The following KHDRBS2 variants were observed in gnomAD, a reference collection of about 807,000 sequenced individuals.
KHDRBS2 encodes the protein KH domain-containing, RNA-binding, signal transduction-associated protein 2.
In KHDRBS2, 26 loss-of-function variants were observed where a neutral mutation model predicts 44.3. That is an observed-to-expected ratio of 0.59 (90% confidence interval 0.43 to 0.81). The LOEUF is 0.81. Ranked by LOEUF, KHDRBS2 falls within the 40% of genes least tolerant of loss-of-function variation. The pLI is 0.00. For synonymous variants in KHDRBS2, 194 were observed against 151.1 expected (o/e 1.28, Z -2.08); for missense variants, 476 against 433.1 (o/e 1.10, Z -0.88).
At chr6:61,842,826 A>G (rs966553318) in intron 6 of KHDRBS2, among the ~76,000 whole-genome samples, 11 of 152,066 alleles carry the variant, frequency 7.2e-5, no homozygotes, top group African/African-American at 2.4e-4. Context: ...CCAAATGTCC[A>G]TTAACTGATG....
intron 6 of KHDRBS2, among the ~76,000 whole-genome samples, chr6:61,775,964 C>G (rs572362749): frequency 6.6e-6 from 1 of 152,148 alleles, no homozygotes; most frequent in Non-Finnish European, 1.5e-5. Flanking sequence ...TGGAACAGAA[C>G]AGAACCCTCA....
At chr6:61,620,623 C>G in the KHDRBS2 span, among the ~76,000 whole-genome samples, 2 of 152,126 alleles carry the variant, frequency 1.3e-5, no homozygotes, top group African/African-American at 2.4e-5. Flanking sequence ...GAGTTGTGAC[C>G]CTTAGATCTT....
intron 1 of KHDRBS2, among the ~76,000 whole-genome samples, chr6:62,247,400 T>A (rs1272366064): frequency 6.6e-6 from 1 of 151,950 alleles, no homozygotes; most frequent in Non-Finnish European, 1.5e-5. Flanking sequence ...TATATACTTA[T>A]ACTGTATCTC....
At chr6:61,593,241 T>G in the KHDRBS2 span, among the ~76,000 whole-genome samples, 350 of 152,226 alleles carry the variant, frequency 2.3e-3, 2 homozygotes, top group African/African-American at 8.2e-3. Flanking sequence ...CTCCCAACAT[T>G]TATGTCAAGT....
rs557953446 is a variant in KHDRBS2 at position 62,003,211 on chromosome 6, C to T, written c.337-24999G>A. Among the ~76,000 whole-genome samples, 3 of 151,994 alleles carry T rather than the reference C, an allele frequency of 2.0e-5. No homozygotes were observed. In the East Asian group the frequency reaches 5.8e-4, roughly 30 times the overall value. On this transcript the variant is annotated intron_variant, in intron 3 of 8. Coordinates refer to ENST00000281156, the MANE Select transcript of KHDRBS2 (RefSeq NM_152688.4). ...GGAGGATGACTTGAGCCTGGGAGGT[C>T]AAGGCTGCAGTGAGCTACTATTGCA...
chr6:62,021,140 T>C (rs1782215702), intron 3 of KHDRBS2, among the ~76,000 whole-genome samples: 1 of 151,588 alleles, frequency 6.6e-6, no homozygotes, highest in South Asian at 2.1e-4. Flanking sequence ...GAAATCCAAA[T>C]ACCGCCTATT....
At chr6:62,220,226 T>C (rs1040532270) in intron 1 of KHDRBS2, among the ~76,000 whole-genome samples, 6 of 151,744 alleles carry the variant, frequency 4.0e-5, no homozygotes, top group African/African-American at 1.4e-4. Context: ...ACCAATTCAG[T>C]CAAACCAGAG....
chr6:62,165,306 AT>A (rs1015067375), intron 2 of KHDRBS2, among the ~76,000 whole-genome samples: 10 of 145,160 alleles, frequency 6.9e-5, no homozygotes, highest in Admixed American at 1.4e-4. Flanking sequence ...TAGACACAGA[AT>A]TTTTTTTGGT....
chr6:61,910,780 A>G (rs757954777), intron 4 of KHDRBS2, among the ~76,000 whole-genome samples: 1 of 152,202 alleles, frequency 6.6e-6, no homozygotes, highest in African/African-American at 2.4e-5. Flanking sequence ...AGGATAGTAG[A>G]TAAATGTTTA....
chr6:61,901,122 T>G, intron 5 of KHDRBS2, 122 bp downstream of exon 5: 1 of 877,150 alleles, frequency 1.1e-6, no homozygotes. Context: ...TTATTGTTTT[T>G]GCTGTGGTGG....
intron 3 of KHDRBS2, among the ~76,000 whole-genome samples, chr6:62,004,028 C>T (rs910231922): frequency 1.2e-4 from 18 of 152,088 alleles, no homozygotes; most frequent in African/African-American, 3.6e-4. Flanking sequence ...ATTTATAGCA[C>T]TAAATGCCCA....
At chr6:61,865,558 CACA>C (rs111354465) in intron 6 of KHDRBS2, among the ~76,000 whole-genome samples, 10,142 of 152,148 alleles carry the variant, frequency 0.067, 400 homozygotes, top group Middle Eastern at 0.12. Flanking sequence ...GGGTTCTTCC[CACA>C]ACATGTGGGA....
At chr6:62,158,131 T>G (rs1208123234) in intron 2 of KHDRBS2, among the ~76,000 whole-genome samples, 1 of 152,178 alleles carries the variant, frequency 6.6e-6, no homozygotes, top group Non-Finnish European at 1.5e-5. Context: ...AGTGTCTTAA[T>G]CATTCTCTCA....
intron 2 of KHDRBS2, among the ~76,000 whole-genome samples, chr6:62,053,088 T>C (rs1424136779): frequency 6.6e-6 from 1 of 152,054 alleles, no homozygotes; most frequent in African/African-American, 2.4e-5. Context: ...ATTATCCCAT[T>C]ACATCATGTT....
chr6:62,058,391 A>G lies in KHDRBS2; in HGVS notation c.220-10397T>C, dbSNP rs756864282. On this transcript the variant is annotated intron_variant, in intron 2 of 8. Transcript: ENST00000281156. ...ATATTGGAATGTTACTTTCACGTCCATCATATTCCTGATTTGGGGATGAAT... is the reference window on the plus strand; with the variant it reads ...ATATTGGAATGTTACTTTCACGTCCGTCATATTCCTGATTTGGGGATGAAT... 1.6e-4 allele frequency among the ~76,000 whole-genome samples: 24 copies of G among 151,920 alleles called. No homozygotes were observed. In the East Asian group the frequency reaches 2.1e-3, roughly 14 times the overall value.
chr6:61,644,748 A>T, the KHDRBS2 span, among the ~76,000 whole-genome samples: 1 of 152,154 alleles, frequency 6.6e-6, no homozygotes, highest in African/African-American at 2.4e-5. Flanking sequence ...AAATCAAAAA[A>T]ATAAAGAGAT....
chr6:61,598,559 T>C, the KHDRBS2 span, among the ~76,000 whole-genome samples: 1 of 152,106 alleles, frequency 6.6e-6, no homozygotes, highest in Admixed American at 6.6e-5. Flanking sequence ...GATCAAAAAC[T>C]TTTTCCTGGG....
intron 4 of KHDRBS2, among the ~76,000 whole-genome samples, chr6:61,934,974 A>G (rs143461292): frequency 1.7e-3 from 255 of 152,274 alleles, no homozygotes; most frequent in African/African-American, 5.7e-3. Context: ...GTCTCTCACA[A>G]TCAGTTTCTT....
At chr6:61,973,812 A>C (rs2127400496) in intron 4 of KHDRBS2, among the ~76,000 whole-genome samples, 1 of 152,276 alleles carries the variant, frequency 6.6e-6, no homozygotes, top group South Asian at 2.1e-4. Context: ...CAACTCTGCT[A>C]ATATTGTAAC....
Sources: gnomAD v4.1 joint callset for allele counts (sites outside exome capture counted in the v4.1 genomes callset) on GRCh38, gnomAD v4.1.1 for gene constraint, MANE v1.5 for transcripts, NCBI Gene and HGNC (gene_info 2026-07-23, HGNC 2026-07-21) for gene names.